Variants in NEB observed in about 807,000 individuals in gnomAD.
The protein encoded by NEB is nemaline myopathy type 2.
A neutral mutation model predicts 952.2 loss-of-function variants in NEB; 512 were observed. That is an observed-to-expected ratio of 0.54 (90% confidence interval 0.50 to 0.58). The LOEUF is 0.58. Among genes scored for constraint, NEB ranks in the 20% least tolerant of loss-of-function variants. The probability of loss-of-function intolerance (pLI) is 0.00; values close to 1 mark genes in which losing one functional copy is unlikely to be tolerated. For missense variants in NEB, 8,428 were observed against 9,231.1 expected, an observed-to-expected ratio of 0.91 and a Z score of 3.56; for synonymous variants, 2,900 against 3,149.8, an observed-to-expected ratio of 0.92 and a Z score of 2.66.
In NEB at chr2:151,524,449, G is replaced by A. The variant is rs775362701; in HGVS notation, c.22375-34C>T. On this transcript the variant is annotated intron_variant, in intron 152 of 181. Coordinates refer to ENST00000397345, the MANE Select transcript of NEB (RefSeq NM_001164508.2). ...GAGAAAACCAAAATGGGCAACAGGT[G>A]ATGGTTGCCTGGCATGCCTTGGCAA... The A allele has an allele frequency of 5.0e-6, 8 of 1,609,214 alleles. No individual in the cohort carries two copies. In the African/African-American group the frequency reaches 9.4e-5, roughly 19 times the overall value.
intron 176 of NEB, 52 bp from the exon 177 acceptor site, chr2:151,492,546 C>T (rs2057401599): frequency 1.5e-6 from 2 of 1,360,328 alleles, no homozygotes; most frequent in Non-Finnish European, 2.1e-6. Flanking sequence ...TCTGAAACCT[C>T]AAAGCCTTTC....
intron 168 of NEB, among the ~76,000 whole-genome samples, chr2:151,499,817 A>T (rs1448984373): frequency 6.6e-6 from 1 of 152,222 alleles, no homozygotes; most frequent in East Asian, 1.9e-4. Flanking sequence ...GGTCCTTGTC[A>T]TTAAGTTCAA....
chr2:151,682,592 T>C (rs2099428482), intron 29 of NEB, 70 bp downstream of exon 29: 2 of 1,248,010 alleles, frequency 1.6e-6, no homozygotes, highest in Non-Finnish European at 2.3e-6. Context: ...GAAGGAGCAC[T>C]GCCCATGCTT....
Position 151,562,734 on chromosome 2 carries a change from C to G in NEB, c.18768G>C (p.Leu6256=), listed in dbSNP as rs2096147822. Residue 6256 remains leucine, a synonymous_variant, in exon 120 of 182, where the codon CTG becomes CTC. Coordinates refer to ENST00000397345, the MANE Select transcript of NEB (RefSeq NM_001164508.2). ...TGAGGATGTACTGGCACCTTTTAGC[C>G]AGCACGTGATTCATCATGTCATTGG... is the stretch of plus-strand genomic sequence containing the variant. ...HIPNDMMNHV[L]AKRCQYILSD... 2.5e-6 allele frequency: 4 copies of G among 1,603,540 alleles called. No homozygotes were observed. Among genetic ancestry groups the G allele is most frequent in the Non-Finnish European group, 3.4e-6 (4 of 1,174,642 alleles).
rs77567545 is a variant in NEB, at chr2:151,671,511, G to C, written c.4300-282C>G. On this transcript the variant is annotated intron_variant, in intron 37 of 181. Coordinates refer to ENST00000397345, the MANE Select transcript of NEB (RefSeq NM_001164508.2). ...ACAATAAATTGGTACTTTCTATAAT[G>C]GTTGTTTATCTTAAAGCATTTTTTT... 3,123 of 343,796 alleles carry C rather than the reference G, an allele frequency of 9.1e-3. 76 individuals carry two copies. The highest frequency in any genetic ancestry group is 0.055 in the East Asian group (1,021 of 18,560). The allele number at this position is 343,796 out of a possible 1,614,324, so 21.3% of individuals were successfully genotyped here. A position where few individuals can be genotyped will look rare whatever the true frequency, so the allele number is the denominator to read the frequency against.
At chr2:151,538,284 C>T in intron 138 of NEB, 40 bp from the exon 139 acceptor site, 1 of 1,427,698 alleles carries the variant, frequency 7.0e-7, no homozygotes, top group Non-Finnish European at 9.9e-7. Flanking sequence ...AAAAAACTAC[C>T]AAGTTAAATA....
chr2:151,537,106 G>A (rs745678940), intron 141 of NEB, 26 bp downstream of exon 141: 3 of 1,432,490 alleles, frequency 2.1e-6, no homozygotes, highest in South Asian at 2.3e-5. Context: ...GAATGGATGA[G>A]GCCAATTCTC....
chr2:151,560,965 G>T, intron 123 of NEB, 39 bp downstream of exon 123: 1 of 1,242,290 alleles, frequency 8.0e-7, no homozygotes, highest in Non-Finnish European at 1.2e-6. Context: ...AAGGGGGAAA[G>T]GTGGCTCATA....
At chr2:151,631,897 C>T (rs569538550) in intron 65 of NEB, among the ~76,000 whole-genome samples, 2 of 152,080 alleles carry the variant, frequency 1.3e-5, no homozygotes, top group Non-Finnish European at 2.9e-5. Flanking sequence ...TTATTCCCTG[C>T]GATGTATTCT....
In NEB at chr2:151,524,654, C is replaced by CTTTTTT. The variant is rs5835371; in HGVS notation, c.22273-44_22273-39dup. Reference sequence around the variant, plus strand: ...AGAAAATGTTTACTCAAGAGAGAGGCTTTTTTTTTTTTTTTTTTTTTTTTT... The same window carrying CTTTTTT: ...AGAAAATGTTTACTCAAGAGAGAGGCTTTTTTTTTTTTTTTTTTTTTTTTTTTTTTT... On this transcript the variant is annotated intron_variant, in intron 151 of 181. Transcript: ENST00000397345. 170 of 257,374 alleles carry CTTTTTT rather than the reference C, an allele frequency of 6.6e-4. 13 individuals are homozygous for CTTTTTT. Among genetic ancestry groups the CTTTTTT allele is most frequent in the African/African-American group, 2.4e-3 (32 of 13,092 alleles). 15.9% of individuals were successfully genotyped at this position (257,374 alleles called of 1,614,324 possible). A position where few individuals can be genotyped will look rare whatever the true frequency, so the allele number is the denominator to read the frequency against.
In NEB at chr2:151,717,499, C is replaced by T. The variant is rs571451076; in HGVS notation, c.739G>A (p.Ala247Thr). The change falls in exon 10 of 182, where the codon GCT becomes ACT. Residue 247 changes from alanine to threonine, a missense_variant. Transcript: ENST00000397345. ...LSDVAYKKGLAEQQAQFTPLA... is the reference protein window; with the variant it reads ...LSDVAYKKGLTEQQAQFTPLA... Reference sequence around the variant, plus strand: ...GGCGTGAATTGAGCTTGCTGTTCAGCGAGACCTTTTTTGTAGGCAACCTGA... The same window carrying T: ...GGCGTGAATTGAGCTTGCTGTTCAGTGAGACCTTTTTTGTAGGCAACCTGA... The T allele has an allele frequency of 1.2e-5, 19 of 1,613,700 alleles. No homozygotes were observed. The highest frequency in any genetic ancestry group is 8.3e-5 in the Admixed American group (5 of 60,014).
At chr2:151,730,762 G>A (rs1415037903) in intron 3 of NEB, among the ~76,000 whole-genome samples, 2 of 152,038 alleles carry the variant, frequency 1.3e-5, no homozygotes, top group African/African-American at 4.8e-5. Flanking sequence ...TCAGTGAAGT[G>A]TCATCAAATT....
At chr2:151,538,629 A>G (rs2093604435) in intron 138 of NEB, among the ~76,000 whole-genome samples, 1 of 152,118 alleles carries the variant, frequency 6.6e-6, no homozygotes, top group African/African-American at 2.4e-5. Flanking sequence ...ACATAAACCA[A>G]AAGTTCATTT....
chr2:151,683,921 GGT>G (rs1240209064), intron 28 of NEB, among the ~76,000 whole-genome samples: 1 of 152,124 alleles, frequency 6.6e-6, no homozygotes, highest in Non-Finnish European at 1.5e-5. Context: ...CTACAACATG[GGT>G]GGACCTTGAG....
At position 151,650,231 on chromosome 2, in the gene NEB, A is replaced by G; in HGVS notation, c.7376T>C (p.Ile2459Thr). 1 of 1,613,806 alleles carries G rather than the reference A, an allele frequency of 6.2e-7. No homozygotes were observed. Among genetic ancestry groups the G allele is most frequent in the Non-Finnish European group, 8.5e-7 (1 of 1,179,804 alleles). Residue 2459 changes from isoleucine (I) to threonine (T), a missense_variant, in exon 54 of 182, where the codon ATT becomes ACT. Ile to Thr is a moderately conservative substitution (Grantham distance 89). This residue lies in a region of NEB where 1,772 missense variants were observed against 1,960.3 expected (regional missense o/e 0.90). Transcript: ENST00000397345. ...CAGAACTATATCCATGGCATCAGGA[A>G]TGCTGGTGAACTTGTTTCTGTCTGG... ...QPPDRNKFTS[I>T]PDAMDIVLAK...
Position 151,565,482 on chromosome 2 carries a change from A to C in NEB, c.18366+19T>G. The C allele has an allele frequency of 6.9e-7, 1 of 1,459,056 alleles. No homozygotes were observed. The highest frequency in any genetic ancestry group is 1.2e-5 in the South Asian group (1 of 85,084). 90.4% of individuals were successfully genotyped at this position (1,459,056 alleles called of 1,614,324 possible). The stretch of plus-strand genomic sequence containing the variant: ...TACTCCCCAGTCTGTGCACTTCAGC[A>C]TGCACAAAGCAAACTTACATCACTT... On this transcript the variant is annotated intron_variant, in intron 116 of 181. Transcript: ENST00000397345.
intron 105 of NEB, among the ~76,000 whole-genome samples, chr2:151,577,190 CCATCGGT>C (rs527696498): frequency 1.1e-4 from 17 of 152,198 alleles, no homozygotes; most frequent in Non-Finnish European, 2.2e-4. Flanking sequence ...CTATGGCTTC[CCATCGGT>C]CATAGGATAA....
chr2:151,630,101 T>C (rs2098632859), intron 67 of NEB, among the ~76,000 whole-genome samples: 1 of 152,172 alleles, frequency 6.6e-6, no homozygotes, highest in African/African-American at 2.4e-5. Context: ...TCATATTTTA[T>C]AATGTTTAAA....
intron 38 of NEB, 80 bp downstream of exon 38, chr2:151,670,943 T>C (rs2099278093): frequency 4.2e-6 from 6 of 1,414,884 alleles, no homozygotes; most frequent in Non-Finnish European, 6.0e-6. Context: ...TCCTCACACA[T>C]TGAATTAAGA....
Sources: gnomAD v4.1 joint callset for allele counts (sites outside exome capture counted in the v4.1 genomes callset) on GRCh38, gnomAD v4.1.1 for gene constraint, gnomAD v4.1.1 regional missense constraint, MANE v1.5 for transcripts, NCBI Gene and HGNC (gene_info 2026-07-23, HGNC 2026-07-21) for gene names.